Variants in SHISA9 observed in about 807,000 individuals in gnomAD.
The protein encoded by SHISA9 is shisa family member 9, also known as protein shisa-9.
SHISA9 carries 13 observed loss-of-function variants against 38.0 expected under a neutral mutation model. That is an observed-to-expected ratio of 0.34 (90% confidence interval 0.22 to 0.54). The LOEUF (loss-of-function observed/expected upper bound fraction) is 0.54. Ranked by LOEUF, SHISA9 falls within the 20% of genes least tolerant of loss-of-function variation. The pLI, the probability that SHISA9 is intolerant of heterozygous loss-of-function variation, is 0.91. For synonymous variants in SHISA9, 275 were observed against 242.0 expected (o/e 1.14, Z -1.27); for missense variants, 538 against 575.8 (o/e 0.93, Z 0.67).
chr16:13,299,352 C>G, the SHISA9 span, among the ~76,000 whole-genome samples: 12 of 152,128 alleles, frequency 7.9e-5, no homozygotes, highest in Admixed American at 6.6e-4. Context: ...TGCCTTTTTA[C>G]CGATGAAGAT....
At chr16:13,038,431 T>A (rs2073098410) in intron 2 of SHISA9, among the ~76,000 whole-genome samples, 2 of 152,230 alleles carry the variant, frequency 1.3e-5, no homozygotes, top group East Asian at 1.9e-4. Flanking sequence ...CAGCCTCACC[T>A]TGTGCTAGTC....
rs557600455 is a variant in SHISA9, at chr16:13,238,671, C to T, written c.*3262C>T. 29 of 152,150 alleles carry T rather than the reference C, an allele frequency of 1.9e-4. No homozygotes were observed. The highest frequency in any genetic ancestry group is 6.3e-4 in the African/African-American group (26 of 41,520). The allele number at this position is 152,150 out of a possible 1,614,324, so 9.4% of individuals were successfully genotyped here. A position where few individuals can be genotyped will look rare whatever the true frequency, so the allele number is the denominator to read the frequency against. On this transcript the variant is annotated 3_prime_UTR_variant, in exon 5 of 5. Transcript: ENST00000558583. ...TGGCCCAAGAAGGACACGTACTTTC[C>T]AAGTAGTCCTGTCTAGGATGGAAAG...
intron 2 of SHISA9, among the ~76,000 whole-genome samples, chr16:13,055,695 T>C (rs1450180006): frequency 6.6e-6 from 1 of 152,190 alleles, no homozygotes; most frequent in East Asian, 1.9e-4. Flanking sequence ...CTCATAGCAC[T>C]CTGGAGGCTG....
the SHISA9 span, among the ~76,000 whole-genome samples, chr16:13,249,621 A>AT: frequency 2.0e-5 from 3 of 151,524 alleles, no homozygotes; most frequent in East Asian, 5.8e-4. Context: ...TTCCTTATAC[A>AT]TTTTTTCTCT....
intron 2 of SHISA9, among the ~76,000 whole-genome samples, chr16:12,946,699 A>G (rs1399998449): frequency 6.6e-6 from 1 of 152,182 alleles, no homozygotes; most frequent in Non-Finnish European, 1.5e-5. Context: ...GGGCCGAGTA[A>G]TTTCCTAGAA....
chr16:12,950,374 A>C (rs762552791), intron 2 of SHISA9, among the ~76,000 whole-genome samples: 2 of 152,202 alleles, frequency 1.3e-5, no homozygotes, highest in African/African-American at 4.8e-5. Context: ...TCTTTTGCAT[A>C]TATACCCAGC....
the SHISA9 span, among the ~76,000 whole-genome samples, chr16:13,452,091 G>A: frequency 6.6e-6 from 1 of 152,116 alleles, no homozygotes; most frequent in Non-Finnish European, 1.5e-5. Flanking sequence ...GCTGCAGCTC[G>A]GTGACAGCCT....
At chr16:13,359,750 C>T in the SHISA9 span, among the ~76,000 whole-genome samples, 1 of 152,288 alleles carries the variant, frequency 6.6e-6, no homozygotes, top group East Asian at 1.9e-4. Flanking sequence ...CGGTTGGTGC[C>T]AGTGTCACTT....
At chr16:13,366,804 G>A in the SHISA9 span, among the ~76,000 whole-genome samples, 1 of 152,098 alleles carries the variant, frequency 6.6e-6, no homozygotes, top group Admixed American at 6.5e-5. Flanking sequence ...CCAACATGGT[G>A]AAACCCCATC....
the SHISA9 span, among the ~76,000 whole-genome samples, chr16:13,504,106 T>G: frequency 1.3e-5 from 2 of 152,168 alleles, no homozygotes; most frequent in African/African-American, 4.8e-5. Flanking sequence ...CATATTCAGG[T>G]TTGGATCCTG....
chr16:13,036,510 T>C (rs143873946), intron 2 of SHISA9, among the ~76,000 whole-genome samples: 4 of 152,276 alleles, frequency 2.6e-5, no homozygotes, highest in East Asian at 3.9e-4. Context: ...AATGAGACTT[T>C]CTGGGGTGAT....
chr16:13,158,892 T>TAAA (rs11373395), intron 2 of SHISA9, among the ~76,000 whole-genome samples: 2 of 133,808 alleles, frequency 1.5e-5, no homozygotes, highest in East Asian at 2.2e-4. Flanking sequence ...CCATCTCTAC[T>TAAA]AAAAAAAAAA....
At chr16:13,443,483 C>G in the SHISA9 span, among the ~76,000 whole-genome samples, 1 of 152,150 alleles carries the variant, frequency 6.6e-6, no homozygotes, top group Non-Finnish European at 1.5e-5. Flanking sequence ...GAGATAAGAT[C>G]TTAGGAAGTA....
chr16:13,501,606 A>G, the SHISA9 span, among the ~76,000 whole-genome samples: 1 of 152,228 alleles, frequency 6.6e-6, no homozygotes, highest in African/African-American at 2.4e-5. Flanking sequence ...GGCCGGCCAC[A>G]CATCAGTAAT....
chr16:13,066,742 A>G (rs2073439520), intron 2 of SHISA9, among the ~76,000 whole-genome samples: 2 of 152,372 alleles, frequency 1.3e-5, no homozygotes, highest in South Asian at 2.1e-4. Context: ...AATATGTGCT[A>G]TAACAATTGT....
At chr16:13,512,215 C>T in the SHISA9 span, among the ~76,000 whole-genome samples, 1 of 152,108 alleles carries the variant, frequency 6.6e-6, no homozygotes, top group African/African-American at 2.4e-5. Context: ...ATCACAGTAT[C>T]TGATACCTAA....
At chr16:13,229,763 G>A (rs16961456) in intron 4 of SHISA9, among the ~76,000 whole-genome samples, 6,555 of 152,260 alleles carry the variant, frequency 0.043, 162 homozygotes, top group East Asian at 0.072. Flanking sequence ...ATAAAACAGC[G>A]TAGTCAGTGT....
At chr16:13,143,938 A>G (rs912699219) in intron 2 of SHISA9, among the ~76,000 whole-genome samples, 1 of 152,158 alleles carries the variant, frequency 6.6e-6, no homozygotes, top group Admixed American at 6.5e-5. Flanking sequence ...TCCCCCAGAA[A>G]TCTGATTGCT....
At chr16:13,208,836 A>C (rs930676234) in intron 3 of SHISA9, among the ~76,000 whole-genome samples, 2 of 152,194 alleles carry the variant, frequency 1.3e-5, no homozygotes, top group Admixed American at 1.3e-4. Context: ...ATGTATCCCC[A>C]GCACCTAGTG....
Sources: gnomAD v4.1 joint callset for allele counts (sites outside exome capture counted in the v4.1 genomes callset) on GRCh38, gnomAD v4.1.1 for gene constraint, MANE v1.5 for transcripts, NCBI Gene and HGNC (gene_info 2026-07-23, HGNC 2026-07-21) for gene names.